The following OTOG variants were observed in gnomAD, a reference collection of about 807,000 sequenced individuals.
OTOG encodes the protein otogelin.
Under a neutral mutation model 313.8 loss-of-function variants are expected in OTOG, and 296 were observed. The ratio of observed to expected loss-of-function variants is 0.94; its 90% CI spans 0.86 to 1.04. The LOEUF (loss-of-function observed/expected upper bound fraction) is 1.04. Ranked by LOEUF, OTOG falls within the 50% of genes least tolerant of loss-of-function variation. The pLI is 0.00. For synonymous variants in OTOG, 1,533 were observed against 1,554.9 expected (o/e 0.99, Z 0.33); for missense variants, 3,948 against 3,840.1 (o/e 1.03, Z -0.74).
At chr11:17,617,708 C>G (rs1351253436) in intron 39 of OTOG, among the ~76,000 whole-genome samples, 1 of 152,134 alleles carries the variant, frequency 6.6e-6, no homozygotes, top group Non-Finnish European at 1.5e-5. Flanking sequence ...CCCTGACTAG[C>G]CTGGCTAGAG....
chr11:17,590,339 A>G (rs984522362), intron 24 of OTOG, among the ~76,000 whole-genome samples: 1 of 152,220 alleles, frequency 6.6e-6, no homozygotes, highest in Non-Finnish European at 1.5e-5. Context: ...CCAGTTGCTC[A>G]GGCCAAAAAA....
chr11:17,613,207 CTT>C (rs1478225457), intron 38 of OTOG, among the ~76,000 whole-genome samples: 1 of 105,654 alleles, frequency 9.5e-6, no homozygotes, highest in Non-Finnish European at 1.9e-5. Flanking sequence ...TTCTTTCTTT[CTT>C]TCTTTCTTTC....
chr11:17,558,069 G>T (rs1011468483), intron 8 of OTOG, 116 bp from the exon 9 acceptor site: 21 of 1,298,240 alleles, frequency 1.6e-5, no homozygotes, highest in Non-Finnish European at 1.9e-5. Flanking sequence ...CAGGAGACCG[G>T]ATTCTTCAAA....
rs565135757 is a variant in OTOG, at chr11:17,599,931, C to T, written c.3709+234C>T. On this transcript the variant is annotated intron_variant, in intron 31 of 55. Coordinates refer to ENST00000399397, the MANE Select transcript of OTOG (RefSeq NM_001292063.2). Reference sequence around the variant, plus strand: ...CCTGTCCGGGGCCCAGGCAGGCCAGCTCCCGGGGACTGTGCTCGGCAGGGC... The same window carrying T: ...CCTGTCCGGGGCCCAGGCAGGCCAGTTCCCGGGGACTGTGCTCGGCAGGGC... 7.2e-5 allele frequency among the ~76,000 whole-genome samples: 11 copies of T among 152,346 alleles called. No individual in the cohort carries two copies. In the East Asian group the frequency reaches 2.1e-3, roughly 29 times the overall value.
Position 17,569,970 on chromosome 11 carries a change from T to C in OTOG, c.1778-243T>C, listed in dbSNP as rs547819199. Among the ~76,000 whole-genome samples, 3 of 152,188 alleles carry C rather than the reference T, an allele frequency of 2.0e-5. No homozygotes were observed. In the South Asian group the frequency reaches 6.2e-4, roughly 32 times the overall value. On this transcript the variant is annotated intron_variant, in intron 16 of 55. Coordinates refer to ENST00000399397, the MANE Select transcript of OTOG (RefSeq NM_001292063.2). ...CAAAGCTTTAATTGGCACTTGATGC[T>C]AAAAAAAATTTCTTAGCCCAGGCTG...
intron 15 of OTOG, among the ~76,000 whole-genome samples, chr11:17,567,986 C>A (rs544821942): frequency 6.6e-6 from 1 of 152,100 alleles, no homozygotes; most frequent in Non-Finnish European, 1.5e-5. Flanking sequence ...CGGCTCACTG[C>A]AAGCTCCGCC....
chr11:17,633,709 C>T lies in OTOG; in HGVS notation c.7102C>T (p.Gln2368Ter), dbSNP rs1403379349. 1 of 1,547,434 alleles carries T rather than the reference C, an allele frequency of 6.5e-7. No individual in the cohort carries two copies. The highest frequency in any genetic ancestry group is 8.7e-7 in the Non-Finnish European group (1 of 1,145,516). The change falls in exon 43 of 56, where the codon CAG becomes TAG. Residue 2368 changes from glutamine (Q) to a stop codon, truncating the protein, a stop_gained. Coordinates refer to ENST00000399397, the MANE Select transcript of OTOG (RefSeq NM_001292063.2). LOFTEE classifies it high-confidence loss of function. The part of the protein sequence containing the change: ...PFLCSSDSTY[Q>*]ACVTACEPPK... ...CCTGTGCTCCAGCGACTCCACATAC[C>T]AGGCATGTGTGACAGCCTGTGAGCC...
chr11:17,564,611 C>T (rs1046512932), intron 15 of OTOG, among the ~76,000 whole-genome samples: 10 of 152,286 alleles, frequency 6.6e-5, no homozygotes, highest in Admixed American at 2.6e-4. Flanking sequence ...GATGAAGCTG[C>T]GACTGCACTC....
chr11:17,632,325 C>T, intron 42 of OTOG, 99 bp downstream of exon 42: 4 of 1,256,206 alleles, frequency 3.2e-6, no homozygotes, highest in Non-Finnish European at 4.2e-6. Flanking sequence ...TGTATGCTTT[C>T]CCAGCTTTAA....
In OTOG at chr11:17,610,241, T is replaced by C. The variant is rs1246727520; in HGVS notation, c.4941T>C (p.Pro1647=). ...PSLTASPSSR[P]VASPGAISRS... Reference sequence around the variant, plus strand: ...TGACAGCAAGTCCCTCCTCCAGACCTGTGGCTTCCCCTGGAGCCATCTCCA... The same window carrying C: ...TGACAGCAAGTCCCTCCTCCAGACCCGTGGCTTCCCCTGGAGCCATCTCCA... Residue 1647 remains proline, a synonymous_variant, in exon 36 of 56, where the codon CCT becomes CCC. Transcript: ENST00000399397. 2.6e-6 allele frequency: 4 copies of C among 1,550,350 alleles called. No individual in the cohort carries two copies. Among genetic ancestry groups the C allele is most frequent in the Non-Finnish European group, 3.5e-6 (4 of 1,146,916 alleles).
chr11:17,629,450 G>T, intron 40 of OTOG, 134 bp downstream of exon 40: 1 of 1,069,174 alleles, frequency 9.4e-7, no homozygotes, highest in Non-Finnish European at 1.3e-6. Flanking sequence ...AGCTGTCAGG[G>T]CAGGGAGGCC....
chr11:17,588,580 C>T (rs1011152445), intron 24 of OTOG, among the ~76,000 whole-genome samples: 13 of 152,110 alleles, frequency 8.5e-5, no homozygotes, highest in African/African-American at 2.4e-4. Flanking sequence ...CTGAGCCTGT[C>T]CCTCATTGTT....
At chr11:17,640,709 C>G in intron 49 of OTOG, 36 bp from the exon 50 acceptor site, 2 of 1,544,268 alleles carry the variant, frequency 1.3e-6, no homozygotes, top group Non-Finnish European at 1.7e-6. Context: ...AGGCTGGCCC[C>G]CAACCCAGGG....
intron 39 of OTOG, among the ~76,000 whole-genome samples, chr11:17,618,063 C>T (rs1205762168): frequency 1.3e-5 from 2 of 151,882 alleles, no homozygotes; most frequent in African/African-American, 4.9e-5. Flanking sequence ...CAGGCACCAG[C>T]CAATTTTTTT....
intron 30 of OTOG, among the ~76,000 whole-genome samples, chr11:17,598,745 T>C (rs1001884849): frequency 6.6e-6 from 1 of 152,220 alleles, no homozygotes; most frequent in Non-Finnish European, 1.5e-5. Flanking sequence ...ACCCCTTGAC[T>C]GGGTATACCC....
At chr11:17,563,612 C>T (rs1160183929) in intron 15 of OTOG, among the ~76,000 whole-genome samples, 1 of 152,164 alleles carries the variant, frequency 6.6e-6, no homozygotes, top group Non-Finnish European at 1.5e-5. Flanking sequence ...CACACAGACA[C>T]AGCCCAGCTG....
chr11:17,640,413 C>T (rs893163266), intron 49 of OTOG, among the ~76,000 whole-genome samples: 4 of 152,148 alleles, frequency 2.6e-5, no homozygotes, highest in Admixed American at 2.6e-4. Context: ...TATATGTAAC[C>T]CTCCCCACCC....
chr11:17,562,044 AAAATATAT>A (rs1425845473), intron 15 of OTOG, among the ~76,000 whole-genome samples: 311 of 125,000 alleles, frequency 2.5e-3, no homozygotes, highest in African/African-American at 0.011. Flanking sequence ...ACCTAAAAAA[AAAATATAT>A]ATATATATAT....
At chr11:17,627,680 G>T (rs181062512) in intron 39 of OTOG, among the ~76,000 whole-genome samples, 1 of 152,086 alleles carries the variant, frequency 6.6e-6, no homozygotes, top group South Asian at 2.1e-4. Flanking sequence ...TCAAATGTTT[G>T]GTAGAAGTCA....
Sources: gnomAD v4.1 joint callset for allele counts (sites outside exome capture counted in the v4.1 genomes callset) on GRCh38, gnomAD v4.1.1 for gene constraint, MANE v1.5 for transcripts, NCBI Gene and HGNC (gene_info 2026-07-23, HGNC 2026-07-21) for gene names.